Variants in SNTG2 observed in about 807,000 individuals in gnomAD.
SNTG2 encodes gamma-2-syntrophin.
Under a neutral mutation model 70.9 loss-of-function variants are expected in SNTG2, and 74 were observed. The ratio of observed to expected loss-of-function variants is 1.04; its 90% CI spans 0.86 to 1.27. SNTG2 has a LOEUF of 1.27. Among genes scored for constraint, SNTG2 ranks in the 50% most tolerant of loss-of-function variants. The probability of loss-of-function intolerance (pLI) is 0.00; values close to 1 mark genes in which losing one functional copy is unlikely to be tolerated. For missense variants in SNTG2, 717 were observed against 690.7 expected, an observed-to-expected ratio of 1.04 and a Z score of -0.43; for synonymous variants, 278 against 273.8, an observed-to-expected ratio of 1.02 and a Z score of -0.15.
chr2:1,057,124 A>T (rs1662514385), intron 1 of SNTG2, among the ~76,000 whole-genome samples: 1 of 152,036 alleles, frequency 6.6e-6, no homozygotes, highest in Non-Finnish European at 1.5e-5. Context: ...TCCTGCAAGC[A>T]GCTGGCCTAT....
At chr2:1,113,486 A>G (rs1369144655) in intron 4 of SNTG2, among the ~76,000 whole-genome samples, 1 of 151,978 alleles carries the variant, frequency 6.6e-6, no homozygotes, top group Non-Finnish European at 1.5e-5. Context: ...GTGTGTACTA[A>G]CTGAGGTTTA....
At chr2:1,241,717 T>C (rs1677064707) in intron 11 of SNTG2, among the ~76,000 whole-genome samples, 2 of 152,196 alleles carry the variant, frequency 1.3e-5, no homozygotes, top group Admixed American at 1.3e-4. Context: ...GAGCACAGTT[T>C]CCGCTATGGA....
intron 16 of SNTG2, among the ~76,000 whole-genome samples, chr2:1,334,582 A>T (rs2148287922): frequency 6.6e-6 from 1 of 152,362 alleles, no homozygotes; most frequent in South Asian, 2.1e-4. Flanking sequence ...AAAGTATGGT[A>T]CATATACTCC....
At chr2:1,002,102 G>GAAAGTTA (rs1362743300) in intron 1 of SNTG2, among the ~76,000 whole-genome samples, 1 of 151,970 alleles carries the variant, frequency 6.6e-6, no homozygotes, top group Non-Finnish European at 1.5e-5. Flanking sequence ...CACCATATAC[G>GAAAGTTA]AAAGTTAACT....
chr2:1,182,778 G>T (rs1385318550), intron 8 of SNTG2, among the ~76,000 whole-genome samples: 2 of 152,058 alleles, frequency 1.3e-5, no homozygotes, highest in Non-Finnish European at 2.9e-5. Context: ...TTTGAGACAG[G>T]GTCTCCCACT....
At chr2:1,327,532 C>T (rs1369743393) in intron 16 of SNTG2, among the ~76,000 whole-genome samples, 1 of 152,068 alleles carries the variant, frequency 6.6e-6, no homozygotes, top group Non-Finnish European at 1.5e-5. Context: ...AACTTTATCC[C>T]ATTTACAGCT....
chr2:1,307,490 AAG>A (rs942357262), intron 14 of SNTG2, among the ~76,000 whole-genome samples: 11 of 150,452 alleles, frequency 7.3e-5, no homozygotes, highest in Middle Eastern at 3.4e-3. Flanking sequence ...GAAGGAGGGA[AAG>A]AGAGAGAGTG....
chr2:1,180,915 A>T (rs946700154), intron 8 of SNTG2, among the ~76,000 whole-genome samples: 35 of 152,236 alleles, frequency 2.3e-4, no homozygotes, highest in Non-Finnish European at 4.3e-4. Flanking sequence ...CATGTCCTTT[A>T]TAGGGACATG....
At chr2:1,281,397 T>G (rs145298361) in intron 14 of SNTG2, among the ~76,000 whole-genome samples, 21 of 2,156 alleles carry the variant, frequency 9.7e-3, no homozygotes, top group East Asian at 0.021. Context: ...TGGTGTGTGT[T>G]TATGTGGTGT....
intron 14 of SNTG2, among the ~76,000 whole-genome samples, chr2:1,301,761 A>T (rs1301094040): frequency 1.3e-5 from 2 of 152,150 alleles, no homozygotes; most frequent in African/African-American, 4.8e-5. Flanking sequence ...TTTAGTAATT[A>T]AAAAAATTGA....
chr2:1,019,580 G>C (rs1660042731), intron 1 of SNTG2, among the ~76,000 whole-genome samples: 1 of 152,186 alleles, frequency 6.6e-6, no homozygotes, highest in Non-Finnish European at 1.5e-5. Context: ...GGAAAGAAAG[G>C]AAATGGAAAT....
chr2:1,035,377 G>A (rs1483739180), intron 1 of SNTG2, among the ~76,000 whole-genome samples: 1 of 152,152 alleles, frequency 6.6e-6, no homozygotes, highest in Non-Finnish European at 1.5e-5. Context: ...GCTCTATGGT[G>A]CTGTAGAATG....
At chr2:1,303,722 CA>C (rs557752606) in intron 14 of SNTG2, among the ~76,000 whole-genome samples, 234 of 150,846 alleles carry the variant, frequency 1.6e-3, no homozygotes, top group African/African-American at 5.2e-3. Flanking sequence ...GAAAGACTCA[CA>C]AAAAAAAGAG....
intron 1 of SNTG2, among the ~76,000 whole-genome samples, chr2:1,058,738 G>C (rs1662622609): frequency 6.6e-6 from 1 of 152,206 alleles, no homozygotes; most frequent in Non-Finnish European, 1.5e-5. Flanking sequence ...CTTTGTAGAG[G>C]CTCATGGTTC....
intron 2 of SNTG2, among the ~76,000 whole-genome samples, chr2:1,087,622 G>C (rs571372098): frequency 6.6e-6 from 1 of 152,126 alleles, no homozygotes. Flanking sequence ...ATGATTGAGC[G>C]CATAAGTAAA....
chr2:1,246,375 A>G (rs533756275), intron 11 of SNTG2, among the ~76,000 whole-genome samples: 2 of 152,272 alleles, frequency 1.3e-5, no homozygotes, highest in South Asian at 4.1e-4. Flanking sequence ...AGTAAATATC[A>G]GAAACAGGAT....
At chr2:1,276,343 A>G (rs912457576) in intron 14 of SNTG2, among the ~76,000 whole-genome samples, 2 of 152,254 alleles carry the variant, frequency 1.3e-5, no homozygotes, top group African/African-American at 4.8e-5. Flanking sequence ...CTCTCTTATT[A>G]GGGTCCAATG....
At chr2:1,147,167 C>T (rs13007693) in intron 6 of SNTG2, among the ~76,000 whole-genome samples, 55,817 of 151,842 alleles carry the variant, frequency 0.37, 11,070 homozygotes, top group East Asian at 0.83. Flanking sequence ...TATTTGAGGA[C>T]TATTTTTGAT....
At chr2:979,830 CCA>C (rs1274367063) in intron 1 of SNTG2, among the ~76,000 whole-genome samples, 1 of 151,878 alleles carries the variant, frequency 6.6e-6, no homozygotes, top group Non-Finnish European at 1.5e-5. Flanking sequence ...CATTGAATGT[CCA>C]CAGAGAACTA....
Sources: allele counts gnomAD v4.1 joint callset (sites outside exome capture counted in the v4.1 genomes callset), GRCh38; gene constraint gnomAD v4.1.1; transcripts MANE v1.5; gene names NCBI Gene and HGNC (gene_info 2026-07-23, HGNC 2026-07-21).